FAM3B: variants seen among roughly 807,000 people sequenced by gnomAD.
FAM3B encodes protein FAM3B.
FAM3B carries 29 observed loss-of-function variants against 28.4 expected under a neutral mutation model. That is an observed-to-expected ratio of 1.02 (90% confidence interval 0.76 to 1.39). The LOEUF (loss-of-function observed/expected upper bound fraction) is 1.39. FAM3B is among the 40% of genes most tolerant of loss of function. The probability of loss-of-function intolerance (pLI) is 0.00; values close to 1 mark genes in which losing one functional copy is unlikely to be tolerated. For synonymous variants in FAM3B, 91 were observed against 103.0 expected, an observed-to-expected ratio of 0.88 and a Z score of 0.71; for missense variants, 266 against 293.9, an observed-to-expected ratio of 0.91 and a Z score of 0.69.
chr21:41,315,554 C>G (rs1374051395), upstream of FAM3B, among the ~76,000 whole-genome samples: 1 of 152,114 alleles, frequency 6.6e-6, no homozygotes, highest in Non-Finnish European at 1.5e-5. Context: ...GTCGTTCCAA[C>G]TAGCTGGAGA....
upstream of FAM3B, chr21:41,316,737 G>A: frequency 1.4e-6 from 1 of 707,790 alleles, no homozygotes; most frequent in Non-Finnish European, 2.0e-6. Flanking sequence ...CCTGCCATTT[G>A]CCCGACTGGC....
intron 7 of FAM3B, among the ~76,000 whole-genome samples, chr21:41,349,155 A>C (rs965480562): frequency 6.6e-6 from 1 of 152,218 alleles, no homozygotes; most frequent in African/African-American, 2.4e-5. Context: ...CTGCTGCTGT[A>C]CTAACTGGGC....
At chr21:41,305,193 C>G (rs567029142) in intron 1 of FAM3B, among the ~76,000 whole-genome samples, 1 of 152,162 alleles carries the variant, frequency 6.6e-6, no homozygotes, top group South Asian at 2.1e-4. Context: ...GAGAGGGGAG[C>G]GACGTTTTCA....
chr21:41,321,380 C>T (rs996728102), intron 1 of FAM3B, among the ~76,000 whole-genome samples: 5 of 152,158 alleles, frequency 3.3e-5, no homozygotes, highest in Admixed American at 1.3e-4. Context: ...GGAGTGAGCC[C>T]GGGAGTGCAG....
intron 7 of FAM3B, among the ~76,000 whole-genome samples, chr21:41,354,799 T>C (rs905428964): frequency 5.9e-5 from 9 of 151,552 alleles, no homozygotes; most frequent in Non-Finnish European, 1.5e-5. Context: ...TGTTTACCTA[T>C]GGAACAAACC....
At chr21:41,325,075 C>T (rs552789034) in intron 2 of FAM3B, among the ~76,000 whole-genome samples, 2 of 152,288 alleles carry the variant, frequency 1.3e-5, no homozygotes, top group East Asian at 1.9e-4. Flanking sequence ...GCATTCCAGC[C>T]TGAGTGGCAG....
intron 5 of FAM3B, chr21:41,346,295 T>G (rs1209516357): frequency 6.5e-6 from 1 of 153,118 alleles, no homozygotes; most frequent in African/African-American, 2.4e-5. Context: ...AAACAAGTTT[T>G]TATAAAGATA....
chr21:41,318,880 T>C (rs1042247086), intron 1 of FAM3B, among the ~76,000 whole-genome samples: 1 of 152,166 alleles, frequency 6.6e-6, no homozygotes, highest in Non-Finnish European at 1.5e-5. Context: ...TATTACTTTC[T>C]TTCTGGCACC....
intron 7 of FAM3B, 65 bp downstream of exon 7, chr21:41,348,789 C>T (rs771580484): frequency 3.3e-5 from 52 of 1,582,824 alleles, no homozygotes; most frequent in Non-Finnish European, 4.3e-5. Flanking sequence ...GCCTTGAAAA[C>T]GTTCCTGGTG....
chr21:41,348,480 T>C (rs988489424), intron 6 of FAM3B, 112 bp from the exon 7 acceptor site: 2 of 1,203,192 alleles, frequency 1.7e-6, no homozygotes, highest in African/African-American at 1.5e-5. Flanking sequence ...AGGAGATGAA[T>C]GTGTTTAGAA....
At chr21:41,322,639 T>G (rs2088817137) in intron 1 of FAM3B, 1 of 717,852 alleles carries the variant, frequency 1.4e-6, no homozygotes, top group Non-Finnish European at 2.6e-6. Flanking sequence ...TGCTTTGACA[T>G]AAACGTTCAA....
intron 1 of FAM3B, among the ~76,000 whole-genome samples, chr21:41,304,867 G>A (rs1329834621): frequency 6.6e-6 from 1 of 152,198 alleles, no homozygotes; most frequent in African/African-American, 2.4e-5. Context: ...TGGGTAGGGA[G>A]ACCAGCTAGG....
intron 6 of FAM3B, among the ~76,000 whole-genome samples, chr21:41,348,305 G>A (rs1017664248): frequency 1.3e-5 from 2 of 152,186 alleles, no homozygotes; most frequent in Non-Finnish European, 2.9e-5. Context: ...GTGAGCCTGA[G>A]ATTGAACCCC....
At chr21:41,331,646 T>G (rs944418123) in intron 2 of FAM3B, among the ~76,000 whole-genome samples, 3 of 152,252 alleles carry the variant, frequency 2.0e-5, no homozygotes, top group Non-Finnish European at 4.4e-5. Flanking sequence ...TTCATTCTTC[T>G]GCATATGGAT....
intron 3 of FAM3B, among the ~76,000 whole-genome samples, chr21:41,342,224 G>T (rs1037834696): frequency 5.3e-5 from 8 of 152,096 alleles, no homozygotes; most frequent in Non-Finnish European, 1.0e-4. Flanking sequence ...CAGTCTTATT[G>T]TCGCTGCTGT....
chr21:41,325,028 G>A lies in FAM3B; in HGVS notation c.163+1962G>A, dbSNP rs564460236. Among the ~76,000 whole-genome samples, 28 of 152,324 alleles carry A rather than the reference G, an allele frequency of 1.8e-4. No homozygotes were observed. In the South Asian group the frequency reaches 4.1e-3, roughly 23 times the overall value. On this transcript the variant is annotated intron_variant, in intron 2 of 7. Transcript: ENST00000357985. ...GAGGCAGGAGAATAGCTTGAACCCA[G>A]TAGGTGGAGGTTGCAGTCAGCCAAG...
chr21:41,329,549 C>T (rs914711303), intron 2 of FAM3B, among the ~76,000 whole-genome samples: 3 of 151,472 alleles, frequency 2.0e-5, no homozygotes, highest in Non-Finnish European at 4.4e-5. Context: ...AAAGAGAAGC[C>T]GGAAAGTGTT....
chr21:41,321,750 G>A (rs1231783759), intron 1 of FAM3B, among the ~76,000 whole-genome samples: 4 of 152,228 alleles, frequency 2.6e-5, no homozygotes, highest in Non-Finnish European at 4.4e-5. Context: ...CTGCCTTGGC[G>A]CAGCATAGCC....
chr21:41,346,476 C>T, intron 5 of FAM3B: 1 of 154,410 alleles, frequency 6.5e-6, no homozygotes, highest in Non-Finnish European at 1.4e-5. Context: ...CACAGACTTG[C>T]CCACGGTCCA....
Sources: allele counts gnomAD v4.1 joint callset (sites outside exome capture counted in the v4.1 genomes callset), GRCh38; gene constraint gnomAD v4.1.1; transcripts MANE v1.5; gene names NCBI Gene and HGNC (gene_info 2026-07-23, HGNC 2026-07-21).